Variants in PIGL observed in about 807,000 individuals in gnomAD.
The protein encoded by PIGL is N-acetylglucosaminyl-phosphatidylinositol de-N-acetylase.
Under a neutral mutation model 31.1 loss-of-function variants are expected in PIGL, and 22 were observed. The observed-to-expected ratio is 0.71, with a 90% CI of 0.51 to 1.01. The LOEUF is 1.01. Among genes scored for constraint, PIGL ranks in the 50% least tolerant of loss-of-function variants. PIGL has a pLI of 0.00. For missense variants in PIGL, 302 were observed against 315.9 expected (o/e 0.96, Z 0.33); for synonymous variants, 131 against 117.4 (o/e 1.12, Z -0.75).
At chr17:16,299,316 G>A (rs1450764460) in intron 2 of PIGL, among the ~76,000 whole-genome samples, 5 of 152,122 alleles carry the variant, frequency 3.3e-5, no homozygotes, top group African/African-American at 9.6e-5. Context: ...TTAGCTGGGC[G>A]TGGTGGTGGG....
intron 3 of PIGL, chr17:16,312,926 G>A (rs1568842442): frequency 1.2e-5 from 1 of 82,820 alleles, no homozygotes; most frequent in Non-Finnish European, 2.6e-5. Flanking sequence ...AGGGGAGGGG[G>A]AAGGGGGGGG....
chr17:16,233,912 T>C (rs1227579842), intron 1 of PIGL, 59 bp from the exon 2 acceptor site: 1 of 828,598 alleles, frequency 1.2e-6, no homozygotes, highest in Non-Finnish European at 2.0e-6. Flanking sequence ...AATGAGTGAA[T>C]AGATAGGTCT....
intron 3 of PIGL, among the ~76,000 whole-genome samples, chr17:16,311,737 G>A (rs2093051453): frequency 6.6e-6 from 1 of 151,518 alleles, no homozygotes. Context: ...TTAACCCTGA[G>A]TGGACACAGC....
chr17:16,271,984 G>A (rs866810512), intron 2 of PIGL, among the ~76,000 whole-genome samples: 3 of 151,904 alleles, frequency 2.0e-5, no homozygotes, highest in African/African-American at 4.8e-5. Flanking sequence ...CTTGGCCCCC[G>A]CAAAGCACTG....
intron 2 of PIGL, among the ~76,000 whole-genome samples, chr17:16,286,168 A>G (rs1188502573): frequency 6.6e-6 from 1 of 152,274 alleles, no homozygotes; most frequent in Non-Finnish European, 1.5e-5. Context: ...ACAAGCCACA[A>G]GACCAAATAA....
At chr17:16,275,232 G>A (rs1429048207) in intron 2 of PIGL, among the ~76,000 whole-genome samples, 2 of 152,162 alleles carry the variant, frequency 1.3e-5, no homozygotes, top group African/African-American at 2.4e-5. Context: ...ACCATAGAGC[G>A]TAACTTCCTG....
chr17:16,288,200 CCTTT>C (rs1344431610), intron 2 of PIGL, among the ~76,000 whole-genome samples: 2 of 151,422 alleles, frequency 1.3e-5, no homozygotes, highest in African/African-American at 2.4e-5. Flanking sequence ...TTCCTTCCTT[CCTTT>C]CTTTCTCTTT....
chr17:16,278,093 T>C (rs2092902977), intron 2 of PIGL, among the ~76,000 whole-genome samples: 1 of 152,022 alleles, frequency 6.6e-6, no homozygotes, highest in Non-Finnish European at 1.5e-5. Context: ...TCTCACTCTT[T>C]TGCTCAGGCT....
intron 3 of PIGL, 87 bp downstream of exon 3, chr17:16,300,065 C>A: frequency 1.0e-6 from 1 of 964,396 alleles, no homozygotes; most frequent in Non-Finnish European, 1.7e-6. Context: ...TGTGGCCACC[C>A]TCCCACTTCC....
chr17:16,220,353 T>A (rs1308308928), intron 1 of PIGL, among the ~76,000 whole-genome samples: 1 of 151,824 alleles, frequency 6.6e-6, no homozygotes, highest in Non-Finnish European at 1.5e-5. Flanking sequence ...TCTCAAAAAA[T>A]ATATATAGAG....
chr17:16,307,715 C>T (rs192354023), intron 3 of PIGL, among the ~76,000 whole-genome samples: 2 of 152,176 alleles, frequency 1.3e-5, no homozygotes, highest in African/African-American at 4.8e-5. Context: ...GCCTGGAATC[C>T]CAGCATTTCA....
intron 1 of PIGL, among the ~76,000 whole-genome samples, chr17:16,225,117 C>T (rs948607705): frequency 2.0e-5 from 3 of 152,092 alleles, no homozygotes; most frequent in African/African-American, 4.8e-5. Flanking sequence ...TAATTAAGGT[C>T]TTAAATGTGT....
At chr17:16,290,857 A>G (rs2142816842) in intron 2 of PIGL, among the ~76,000 whole-genome samples, 1 of 151,074 alleles carries the variant, frequency 6.6e-6, no homozygotes, top group South Asian at 2.1e-4. Flanking sequence ...TTTTTTTTTA[A>G]TTTGTTGAGA....
At chr17:16,251,327 A>G (rs560322316) in intron 2 of PIGL, among the ~76,000 whole-genome samples, 2 of 151,282 alleles carry the variant, frequency 1.3e-5, no homozygotes, top group South Asian at 4.2e-4. Flanking sequence ...GGAGGTTGAG[A>G]TGGGAGAATC....
intron 2 of PIGL, among the ~76,000 whole-genome samples, chr17:16,242,644 C>CTTTTTTTTTTTTTTTTT (rs35572629): frequency 2.5e-5 from 2 of 79,060 alleles, no homozygotes; most frequent in Non-Finnish European, 2.4e-5. Context: ...TTTCTGATTC[C>CTTTTTTTTTTTTTTTTT]TTTTTTTTTT....
intron 3 of PIGL, among the ~76,000 whole-genome samples, chr17:16,300,923 G>A (rs1295823982): frequency 6.6e-6 from 1 of 152,158 alleles, no homozygotes; most frequent in Admixed American, 6.5e-5. Flanking sequence ...AGCAACACCA[G>A]TCTCAGCTCT....
At position 16,302,712 on chromosome 17, in the gene PIGL, G is replaced by A. The variant is rs1252226193; in HGVS notation, c.426+2734G>A. Among the ~76,000 whole-genome samples the A allele has an allele frequency of 4.6e-5, 7 of 152,072 alleles. No individual in the cohort carries two copies. In the East Asian group the frequency reaches 1.3e-3, roughly 29 times the overall value. The stretch of plus-strand genomic sequence containing the variant: ...ACTCCCTGGTTCAAGTGATTCTCCT[G>A]CCTCAGCCTTCTGAGTAGCTGGGAC... On this transcript the variant is annotated intron_variant, in intron 3 of 6. Transcript: ENST00000225609.
At chr17:16,285,262 C>G (rs4792730) in intron 2 of PIGL, among the ~76,000 whole-genome samples, 83,957 of 152,136 alleles carry the variant, frequency 0.55, 23,755 homozygotes, top group African/African-American at 0.65. Flanking sequence ...AGCACTCATG[C>G]CTTGCTAATC....
chr17:16,218,736 T>C (rs2092611257), intron 1 of PIGL, among the ~76,000 whole-genome samples: 2 of 149,464 alleles, frequency 1.3e-5, no homozygotes, highest in Admixed American at 1.4e-4. Flanking sequence ...TGGAGTGCCG[T>C]GGCGTGATCT....
Sources: gnomAD v4.1 joint callset for allele counts (sites outside exome capture counted in the v4.1 genomes callset) on GRCh38, gnomAD v4.1.1 for gene constraint, MANE v1.5 for transcripts, NCBI Gene and HGNC (gene_info 2026-07-23, HGNC 2026-07-21) for gene names.